Variants in TCERG1 observed in about 807,000 individuals in gnomAD.
TCERG1 encodes transcription elongation regulator 1, also known as TATA box binding protein (TBP)-associated factor, RNA polymerase II, S, 150kD.
In TCERG1, 37 loss-of-function variants were observed where a neutral mutation model predicts 144.7. The ratio of observed to expected loss-of-function variants is 0.26; its 90% CI spans 0.20 to 0.34. The LOEUF (loss-of-function observed/expected upper bound fraction) is 0.34, where lower values mean the gene tolerates loss of function less well. TCERG1 is among the 10% of genes least tolerant of loss of function. The probability of loss-of-function intolerance (pLI) is 1.00; values close to 1 mark genes in which losing one functional copy is unlikely to be tolerated. For missense variants in TCERG1, 1,027 were observed against 1,380.7 expected (o/e 0.74, Z 4.06); for synonymous variants, 492 against 458.2 (o/e 1.07, Z -0.94).
intron 9 of TCERG1, among the ~76,000 whole-genome samples, chr5:146,477,241 T>G (rs1764924796): frequency 2.0e-5 from 3 of 152,176 alleles, no homozygotes; most frequent in Admixed American, 2.0e-4. Flanking sequence ...TGTGTTTTTC[T>G]TTATCTCAGG....
intron 2 of TCERG1, among the ~76,000 whole-genome samples, chr5:146,456,041 C>T (rs1011886278): frequency 6.6e-6 from 1 of 152,064 alleles, no homozygotes; most frequent in Admixed American, 6.6e-5. Context: ...CATCTGCCTT[C>T]CATTAGCTTA....
At chr5:146,480,341 C>A (rs916520562) in intron 12 of TCERG1, 20 of 259,074 alleles carry the variant, frequency 7.7e-5, no homozygotes, top group African/African-American at 4.0e-4. Context: ...GGAATTAATT[C>A]TTTTTGGAAA....
chr5:146,483,817 C>T (rs998433254), intron 15 of TCERG1, among the ~76,000 whole-genome samples, 188 bp downstream of exon 15: 2 of 151,910 alleles, frequency 1.3e-5, no homozygotes, highest in African/African-American at 4.8e-5. Flanking sequence ...TATTTTTGCC[C>T]TTATGAGCAT....
At chr5:146,498,485 A>G (rs375264801) in intron 16 of TCERG1, 51 bp from the exon 17 acceptor site, 1 of 1,553,512 alleles carries the variant, frequency 6.4e-7, no homozygotes, top group African/African-American at 1.4e-5. Flanking sequence ...CTATGCCTTT[A>G]TACAAGCAGA....
At chr5:146,504,888 A>G (rs994755712) in intron 19 of TCERG1, among the ~76,000 whole-genome samples, 3 of 152,094 alleles carry the variant, frequency 2.0e-5, no homozygotes, top group Admixed American at 1.3e-4. Context: ...CTCTAATAAA[A>G]ATACAAAATT....
intron 15 of TCERG1, among the ~76,000 whole-genome samples, chr5:146,484,858 C>G (rs542999804): frequency 6.6e-6 from 1 of 152,270 alleles, no homozygotes; most frequent in South Asian, 2.1e-4. Flanking sequence ...ATCCAAGCCA[C>G]CATAAACAAC....
chr5:146,506,453 T>C (rs1467104974), intron 19 of TCERG1, among the ~76,000 whole-genome samples: 2 of 152,240 alleles, frequency 1.3e-5, no homozygotes, highest in Non-Finnish European at 2.9e-5. Context: ...TAATATGGAA[T>C]GATTAAACCA....
chr5:146,491,472 G>T (rs950440038), intron 15 of TCERG1, among the ~76,000 whole-genome samples: 3 of 152,070 alleles, frequency 2.0e-5, no homozygotes, highest in African/African-American at 7.2e-5. Context: ...ACATCACTGT[G>T]CCAAGGTTGA....
chr5:146,493,641 A>G (rs1766622679), intron 16 of TCERG1, among the ~76,000 whole-genome samples: 1 of 152,098 alleles, frequency 6.6e-6, no homozygotes, highest in African/African-American at 2.4e-5. Context: ...TTTTATATAT[A>G]TGCATACAGA....
chr5:146,507,805 G>A lies in TCERG1; in HGVS notation c.2962-68G>A. 9.6e-7 allele frequency: 1 copy of A among 1,038,988 alleles called. No homozygotes were observed. The highest frequency in any genetic ancestry group is 1.4e-6 in the Non-Finnish European group (1 of 691,884). The allele number at this position is 1,038,988 out of a possible 1,614,324, so 64.4% of individuals were successfully genotyped here. ...TCAGTGTGTAATATTATGTACCTATGTGCTGCAGTTTGACTCCCTAAGTAA... is the reference window on the plus strand; with the variant it reads ...TCAGTGTGTAATATTATGTACCTATATGCTGCAGTTTGACTCCCTAAGTAA... On this transcript the variant is annotated intron_variant, in intron 20 of 22. Coordinates refer to ENST00000679501, the MANE Select transcript of TCERG1 (RefSeq NM_001382548.1). The surrounding 1 kb of genome is among the most constrained non-coding windows in gnomAD (Gnocchi z 4.6).
rs1278191694 is a variant in TCERG1 at position 146,447,354 on chromosome 5, C to T, written c.5C>T (p.Ala2Val). 6.2e-7 allele frequency: 1 copy of T among 1,611,514 alleles called. No homozygotes were observed. Among genetic ancestry groups the T allele is most frequent in the Non-Finnish European group, 8.5e-7 (1 of 1,178,994 alleles). The change falls in exon 1 of 23, where the codon GCG becomes GTG. Residue 2 changes from alanine to valine, a missense_variant. This residue lies in a region of TCERG1 where 175 missense variants were observed against 197.0 expected (regional missense o/e 0.89). Transcript: ENST00000679501. ...GGATGAACGCGGCCCTCTGTAATGG[C>T]GGAGCGTGGCGGGGACGGGGGCGAG... MAERGGDGGESE... is the reference protein window; with the variant it reads MVERGGDGGESE...
chr5:146,484,202 C>G (rs1024279243), intron 15 of TCERG1, among the ~76,000 whole-genome samples: 1 of 152,128 alleles, frequency 6.6e-6, no homozygotes, highest in African/African-American at 2.4e-5. Context: ...GTTAAAATAT[C>G]TGTTTCCATC....
intron 1 of TCERG1, among the ~76,000 whole-genome samples, chr5:146,453,071 T>C (rs1453839928): frequency 1.3e-5 from 2 of 152,212 alleles, no homozygotes; most frequent in African/African-American, 4.8e-5. Context: ...TAGTAAGCAC[T>C]TTTAGGAGTT....
Position 146,510,900 on chromosome 5 carries a change from T to C in TCERG1, c.*258T>C. 1 of 289,210 alleles carries C rather than the reference T, an allele frequency of 3.5e-6. No homozygotes were observed. Among genetic ancestry groups the C allele is most frequent in the Non-Finnish European group, 6.4e-6 (1 of 156,440 alleles). 17.9% of individuals were successfully genotyped at this position (289,210 alleles called of 1,614,324 possible). A position where few individuals can be genotyped will look rare whatever the true frequency, so the allele number is the denominator to read the frequency against. ...ATCTTGAAGCTAAAATTCATCCTTT[T>C]ATGAGGTGTGGAAGTCAGTGACTTG... On this transcript the variant is annotated 3_prime_UTR_variant, in exon 23 of 23. Coordinates refer to ENST00000679501, the MANE Select transcript of TCERG1 (RefSeq NM_001382548.1).
chr5:146,465,294 A>G (rs796586844), intron 5 of TCERG1, among the ~76,000 whole-genome samples: 13 of 152,290 alleles, frequency 8.5e-5, no homozygotes, highest in African/African-American at 3.1e-4. Context: ...CATTTTGTAG[A>G]GGGAAGATTG....
At chr5:146,458,286 C>G (rs1312432645) in intron 3 of TCERG1, among the ~76,000 whole-genome samples, 1 of 151,130 alleles carries the variant, frequency 6.6e-6, no homozygotes, top group Non-Finnish European at 1.5e-5. Flanking sequence ...AAGTGATTCT[C>G]CTTCCTCAGC....
Position 146,473,539 on chromosome 5 carries a change from T to C in TCERG1, c.1601+1963T>C, listed in dbSNP as rs151088472. On this transcript the variant is annotated intron_variant, in intron 9 of 22. Transcript: ENST00000679501. The stretch of plus-strand genomic sequence containing the variant: ...GAAACAGCCTTCTATTGGGAGAACA[T>C]GCCATCCCAGGACTTTGATAGCTAG... Among the ~76,000 whole-genome samples the C allele has an allele frequency of 1.6e-3, 244 of 152,254 alleles. 1 individual carries two copies. Among genetic ancestry groups the C allele is most frequent in the African/African-American group, 5.8e-3 (241 of 41,536 alleles).
rs770620087 is a variant in TCERG1, at chr5:146,447,426, C to G, written c.59+18C>G. 6 of 1,608,918 alleles carry G rather than the reference C, an allele frequency of 3.7e-6. No individual in the cohort carries two copies. Among genetic ancestry groups the G allele is most frequent in the Admixed American group, 1.7e-5 (1 of 59,262 alleles). On this transcript the variant is annotated intron_variant, in intron 1 of 22. Transcript: ENST00000679501. The stretch of plus-strand genomic sequence containing the variant: ...GAGCTCAGGTAAGGAACGCTGCCCT[C>G]CTTCACATCTCTGCTCACGAGAGCC...
intron 17 of TCERG1, 93 bp downstream of exon 17, chr5:146,498,779 A>T: frequency 7.4e-7 from 1 of 1,360,490 alleles, no homozygotes; most frequent in South Asian, 1.8e-5. Flanking sequence ...ATTCATTGGC[A>T]TAAATAATAG....
Sources: allele counts gnomAD v4.1 joint callset (sites outside exome capture counted in the v4.1 genomes callset), GRCh38; gene constraint gnomAD v4.1.1; regional missense constraint gnomAD v4.1.1; non-coding constraint Gnocchi (gnomAD v3.1); transcripts MANE v1.5; gene names NCBI Gene and HGNC (gene_info 2026-07-23, HGNC 2026-07-21).